Variants in SHANK1 observed in about 807,000 individuals in gnomAD.
The protein encoded by SHANK1 is SH3 and multiple ankyrin repeat domains protein 1.
SHANK1 carries 35 observed loss-of-function variants against 165.6 expected under a neutral mutation model. The ratio of observed to expected loss-of-function variants is 0.21; its 90% CI spans 0.16 to 0.28. SHANK1 has a LOEUF of 0.28. Among genes scored for constraint, SHANK1 ranks in the 10% least tolerant of loss-of-function variants. The probability of loss-of-function intolerance (pLI) is 1.00; values close to 1 mark genes in which losing one functional copy is unlikely to be tolerated. For missense variants in SHANK1, 2,681 were observed against 3,036.4 expected (o/e 0.88, Z 2.75); for synonymous variants, 1,428 against 1,384.8 (o/e 1.03, Z -0.69).
In SHANK1 at chr19:50,662,532, G is replaced by A. The variant is rs781115109; in HGVS notation, c.5919C>T (p.Ala1973=). 1.3e-6 allele frequency: 2 copies of A among 1,559,884 alleles called. No individual in the cohort carries two copies. Among genetic ancestry groups the A allele is most frequent in the Non-Finnish European group, 1.7e-6 (2 of 1,151,734 alleles). The change falls in exon 24 of 24, where the codon GCC becomes GCT. Residue 1973 remains alanine (A), a synonymous_variant. Coordinates refer to ENST00000293441, the MANE Select transcript of SHANK1 (RefSeq NM_016148.5). The surrounding 1 kb of genome is among the most constrained non-coding windows in gnomAD (Gnocchi z 7.7). ...GGCGGGTGGACGTGGAGGAGGAGGA[G>A]GCTGAGGGTGAGGTGGCCCCTGGGG... ...AAAPGATSPS[A]SSSSTSTRHL...
At position 50,717,073 on chromosome 19, in the gene SHANK1, T is replaced by C. The variant is rs2089079587; in HGVS notation, c.-43-111A>G. On this transcript the variant is annotated intron_variant, in intron 1 of 23. Coordinates refer to ENST00000293441, the MANE Select transcript of SHANK1 (RefSeq NM_016148.5). The surrounding 1 kb of genome is among the most constrained non-coding windows in gnomAD (Gnocchi z 5.5). ...GGCAGCCTACCCCCACTGCCCAAGA[T>C]AGGCAGGAAGGAGGCTGGACACACC... The C allele has an allele frequency of 1.1e-6, 1 of 904,294 alleles. No homozygotes were observed. Among genetic ancestry groups the C allele is most frequent in the Non-Finnish European group, 1.5e-6 (1 of 662,350 alleles). 56.0% of individuals were successfully genotyped at this position (904,294 alleles called of 1,614,324 possible).
In SHANK1 at chr19:50,702,679, T is replaced by C. The variant is rs1488385955; in HGVS notation, c.1554-19A>G. 6.6e-7 allele frequency: 1 copy of C among 1,522,912 alleles called. No individual in the cohort carries two copies. The highest frequency in any genetic ancestry group is 8.8e-7 in the Non-Finnish European group (1 of 1,131,072). 94.3% of individuals were successfully genotyped at this position (1,522,912 alleles called of 1,614,324 possible). A position where few individuals can be genotyped will look rare whatever the true frequency, so the allele number is the denominator to read the frequency against. On this transcript the variant is annotated intron_variant, in intron 11 of 23. Coordinates refer to ENST00000293441, the MANE Select transcript of SHANK1 (RefSeq NM_016148.5). This position sits in a 1 kb window ranked among gnomAD's most constrained non-coding sequence, Gnocchi z 5.3. Reference sequence around the variant, plus strand: ...GCTGGAGCTGCGTACACAGAGGGCATGAGAGGAGGGGAGGGTGGAGGGAGG... The same window carrying C: ...GCTGGAGCTGCGTACACAGAGGGCACGAGAGGAGGGGAGGGTGGAGGGAGG...
At position 50,716,222 on chromosome 19, in the gene SHANK1, T is replaced by C. The variant is rs2089068436; in HGVS notation, c.459+53A>G. ...TGTTAAAAAGTGGGTGGGGGGCAGA[T>C]GTGTTTTAGGGCATGCCTTCTCTTA... On this transcript the variant is annotated intron_variant, in intron 3 of 23. Transcript: ENST00000293441. The surrounding 1 kb of genome is among the most constrained non-coding windows in gnomAD (Gnocchi z 8.4). The C allele has an allele frequency of 7.2e-6, 11 of 1,526,840 alleles. No individual in the cohort carries two copies. The highest frequency in any genetic ancestry group is 1.1e-5 in the South Asian group (1 of 88,676). The allele number at this position is 1,526,840 out of a possible 1,614,324, so 94.6% of individuals were successfully genotyped here.
rs1986953501 is a variant in SHANK1, at chr19:50,702,550, G to A, written c.1664C>T (p.Pro555Leu). 1 of 1,613,188 alleles carries A rather than the reference G, an allele frequency of 6.2e-7. No homozygotes were observed. Among genetic ancestry groups the A allele is most frequent in the Non-Finnish European group, 8.5e-7 (1 of 1,179,874 alleles). Residue 555 changes from proline to leucine, a missense_variant, in exon 12 of 24, where the codon CCC becomes CTC. By Grantham distance (98) the Pro-to-Leu change is moderately conservative. Transcript: ENST00000293441. This position sits in a 1 kb window ranked among gnomAD's most constrained non-coding sequence, Gnocchi z 5.3. The part of the protein sequence containing the change: ...GRRRKLYSAV[P>L]GRSFMAVKSY... Reference sequence around the variant, plus strand: ...CTTCACAGCCATGAAGGAGCGTCCGGGTACCGCTGAGTAGAGCTTCCTCCG... The same window carrying A: ...CTTCACAGCCATGAAGGAGCGTCCGAGTACCGCTGAGTAGAGCTTCCTCCG...
intron 15 of SHANK1, among the ~76,000 whole-genome samples, chr19:50,691,888 T>C (rs567170830): frequency 3.9e-5 from 6 of 152,212 alleles, no homozygotes; most frequent in Non-Finnish European, 8.8e-5. Flanking sequence ...TCTCACTATC[T>C]TTCCCACGCT....
rs780491595 is a variant in SHANK1 at position 50,703,691 on chromosome 19, C to T, written c.1362G>A (p.Pro454=). The T allele has an allele frequency of 3.8e-5, 55 of 1,465,444 alleles. No individual in the cohort carries two copies. Among genetic ancestry groups the T allele is most frequent in the Middle Eastern group, 2.1e-4 (1 of 4,738 alleles). The allele number at this position is 1,465,444 out of a possible 1,614,324, so 90.8% of individuals were successfully genotyped here. Residue 454 remains proline (P), a synonymous_variant, in exon 11 of 24, where the codon CCG becomes CCA. Transcript: ENST00000293441. ...CAGGGGCCCCAGAGGACGCGGCCCC[C>T]GGGGCGGAGAACACCATCCAGTCGG... ...ALPDWMVFSA[P]GAASSGAPGP...
At chr19:50,698,568 TG>T (rs1442467498) in intron 12 of SHANK1, among the ~76,000 whole-genome samples, 1 of 134,332 alleles carries the variant, frequency 7.4e-6, no homozygotes, top group African/African-American at 2.8e-5. Context: ...ACAGACTGCC[TG>T]TTACATGCCT....
Position 50,661,803 on chromosome 19 carries a change from G to C in SHANK1, c.*162C>G, listed in dbSNP as rs1419003348. The C allele has an allele frequency of 2.4e-5, 17 of 712,960 alleles. No homozygotes were observed. The East Asian group carries it at 4.2e-4, about 18-fold the overall frequency. The allele number at this position is 712,960 out of a possible 1,614,324, so 44.2% of individuals were successfully genotyped here. A position where few individuals can be genotyped will look rare whatever the true frequency, so the allele number is the denominator to read the frequency against. On this transcript the variant is annotated 3_prime_UTR_variant, in exon 24 of 24. Transcript: ENST00000293441. ...TCAGTGAGGTGCAAATGTCCGGCCTGGATTGGGCCACCTGGTGACCTCTGG... is the reference window on the plus strand; with the variant it reads ...TCAGTGAGGTGCAAATGTCCGGCCTCGATTGGGCCACCTGGTGACCTCTGG...
Position 50,662,961 on chromosome 19 carries a change from C to T in SHANK1, c.5769-279G>A, listed in dbSNP as rs568641680. Reference sequence around the variant, plus strand: ...GACATTAAGTGATAATAATAATAATCGTCACCGCTTACTGATGCTCACGTG... The same window carrying T: ...GACATTAAGTGATAATAATAATAATTGTCACCGCTTACTGATGCTCACGTG... On this transcript the variant is annotated intron_variant, in intron 23 of 23. Transcript: ENST00000293441. The surrounding 1 kb of genome is among the most constrained non-coding windows in gnomAD (Gnocchi z 7.7). The T allele has an allele frequency of 3.1e-4, 150 of 486,656 alleles. 1 individual carries two copies. The highest frequency in any genetic ancestry group is 1.1e-3 in the Middle Eastern group (2 of 1,838). 30.1% of individuals were successfully genotyped at this position (486,656 alleles called of 1,614,324 possible).
In SHANK1 at chr19:50,702,568, T is replaced by C. The variant is rs778660436; in HGVS notation, c.1646A>G (p.Lys549Arg). Residue 549 changes from lysine (K) to arginine (R), a missense_variant, in exon 12 of 24, where the codon AAG becomes AGG. Lys to Arg is a conservative substitution (Grantham distance 26). Around this residue, in one of 10 missense-constraint regions of SHANK1, gnomAD observed 195 missense variants for 186.2 expected, o/e 1.05. Transcript: ENST00000293441. The surrounding 1 kb of genome is among the most constrained non-coding windows in gnomAD (Gnocchi z 5.3). ...GSLGSRGRRR[K>R]LYSAVPGRSF... ...GCGTCCGGGTACCGCTGAGTAGAGC[T>C]TCCTCCGCCTCCCGCGGCTGCCCAG... 1 of 1,612,012 alleles carries C rather than the reference T, an allele frequency of 6.2e-7. No individual in the cohort carries two copies. Among genetic ancestry groups the C allele is most frequent in the South Asian group, 1.1e-5 (1 of 90,848 alleles).
chr19:50,696,626 G>A (rs1392553253), intron 15 of SHANK1, among the ~76,000 whole-genome samples: 3 of 151,872 alleles, frequency 2.0e-5, no homozygotes, highest in Middle Eastern at 3.4e-3. Flanking sequence ...CCCCTCCTCT[G>A]CCCTTCCCTC....
At chr19:50,671,586 G>C (rs1042246331) in intron 22 of SHANK1, among the ~76,000 whole-genome samples, 2 of 151,478 alleles carry the variant, frequency 1.3e-5, no homozygotes, top group African/African-American at 4.9e-5. Flanking sequence ...CCTGCTATAA[G>C]GCAAGCCCAT....
rs532241019 is a variant in SHANK1 at position 50,713,464 on chromosome 19, G to A, written c.792+334C>T. Among the ~76,000 whole-genome samples, 2 of 152,162 alleles carry A rather than the reference G, an allele frequency of 1.3e-5. No individual in the cohort carries two copies. The highest frequency in any genetic ancestry group is 3.4e-3 in the Middle Eastern group (1 of 294). On this transcript the variant is annotated intron_variant, in intron 6 of 23. Coordinates refer to ENST00000293441, the MANE Select transcript of SHANK1 (RefSeq NM_016148.5). This position sits in a 1 kb window ranked among gnomAD's most constrained non-coding sequence, Gnocchi z 6.2. ...GGGGGCATAGCAGGGAGCTCACTTCGTATTTTAAGGAATGAGAAGGGTTTA... is the reference window on the plus strand; with the variant it reads ...GGGGGCATAGCAGGGAGCTCACTTCATATTTTAAGGAATGAGAAGGGTTTA...
chr19:50,667,532 G>A lies in SHANK1; in HGVS notation c.4428C>T (p.Pro1476=). Residue 1476 remains proline, a synonymous_variant, in exon 23 of 24, where the codon CCC becomes CCT. Transcript: ENST00000293441. The surrounding 1 kb of genome is among the most constrained non-coding windows in gnomAD (Gnocchi z 5.7). The stretch of plus-strand genomic sequence containing the variant: ...GTTCTTCGGGGGCTGCGGACCTCCA[G>A]GGCTTGCTTACTCCGGGGTGCGGGG... ...PPAPHPGVSK[P]WRSAAPEEPE... is the part of the protein sequence containing the mutation. 1 of 1,496,720 alleles carries A rather than the reference G, an allele frequency of 6.7e-7. No homozygotes were observed. The allele number at this position is 1,496,720 out of a possible 1,614,324, so 92.7% of individuals were successfully genotyped here.
intron 15 of SHANK1, among the ~76,000 whole-genome samples, chr19:50,693,818 G>A (rs552713349): frequency 6.6e-6 from 1 of 152,264 alleles, no homozygotes; most frequent in African/African-American, 2.4e-5. Flanking sequence ...CATGGGCAGA[G>A]GGCAGAGCCA....
At position 50,686,836 on chromosome 19, in the gene SHANK1, C is replaced by T. The variant is rs575394694; in HGVS notation, c.2390-24G>A. ...CTCTGTGGGCAAAGAACACGGATGA[C>T]GCCCAGGGAGCCCCCGGGGGCGGGG... On this transcript the variant is annotated intron_variant, in intron 19 of 23. Coordinates refer to ENST00000293441, the MANE Select transcript of SHANK1 (RefSeq NM_016148.5). The surrounding 1 kb of genome is among the most constrained non-coding windows in gnomAD (Gnocchi z 5.7). The T allele has an allele frequency of 6.2e-7, 1 of 1,612,796 alleles. No individual in the cohort carries two copies. Among genetic ancestry groups the T allele is most frequent in the Admixed American group, 1.7e-5 (1 of 59,934 alleles).
At chr19:50,669,544 C>A (rs139121113) in intron 22 of SHANK1, among the ~76,000 whole-genome samples, 7 of 152,106 alleles carry the variant, frequency 4.6e-5, no homozygotes, top group Non-Finnish European at 7.4e-5. Flanking sequence ...TTCCTCCCCA[C>A]GCCAGGAGGG....
At chr19:50,712,798 C>T (rs2089023402) in intron 6 of SHANK1, among the ~76,000 whole-genome samples, 1 of 152,230 alleles carries the variant, frequency 6.6e-6, no homozygotes, top group African/African-American at 2.4e-5. Context: ...CCCTATATGG[C>T]AGGCACGTGT....
Position 50,668,659 on chromosome 19 carries a change from G to T in SHANK1, c.3301C>A (p.Arg1101Ser). The T allele has an allele frequency of 1.5e-6, 2 of 1,360,810 alleles. No homozygotes were observed. The highest frequency in any genetic ancestry group is 1.9e-6 in the Non-Finnish European group (2 of 1,056,968). 84.3% of individuals were successfully genotyped at this position (1,360,810 alleles called of 1,614,324 possible). ...GGGCCCTTGCGGCCGCGGCCCGAGC[G>T]GGCGGGCACGTACATGGCTGCGCTG... is the stretch of plus-strand genomic sequence containing the variant. The part of the protein sequence containing the change: ...AASAAMYVPA[R>S]SGRGRKGPLV... The change falls in exon 23 of 24, where the codon CGC (arginine) becomes AGC (serine). Residue 1101 changes from arginine (R) to serine (S), a missense_variant. This residue lies in a region of SHANK1 where 1,713 missense variants were observed against 1,630.2 expected (regional missense o/e 1.05). Coordinates refer to ENST00000293441, the MANE Select transcript of SHANK1 (RefSeq NM_016148.5).
Sources: allele counts gnomAD v4.1 joint callset (sites outside exome capture counted in the v4.1 genomes callset), GRCh38; gene constraint gnomAD v4.1.1; regional missense constraint gnomAD v4.1.1; non-coding constraint Gnocchi (gnomAD v3.1); transcripts MANE v1.5; gene names NCBI Gene and HGNC (gene_info 2026-07-23, HGNC 2026-07-21).